WNT3: variants seen among roughly 807,000 people sequenced by gnomAD.
WNT3 encodes Wnt family member 3, also known as proto-oncogene Wnt-3.
WNT3 carries 7 observed loss-of-function variants against 34.2 expected under a neutral mutation model. The ratio of observed to expected loss-of-function variants is 0.20; its 90% CI spans 0.12 to 0.38. WNT3 has a LOEUF of 0.38. WNT3 is among the 10% of genes least tolerant of loss of function. The probability of loss-of-function intolerance (pLI) is 1.00; values close to 1 mark genes in which losing one functional copy is unlikely to be tolerated. For synonymous variants in WNT3, 212 were observed against 211.5 expected (o/e 1.00, Z -0.02); for missense variants, 267 against 499.8 (o/e 0.53, Z 4.44).
intron 1 of WNT3, among the ~76,000 whole-genome samples, chr17:46,815,310 C>T (rs568043280): frequency 1.3e-5 from 2 of 152,300 alleles, no homozygotes; most frequent in Admixed American, 1.3e-4. Context: ...CTCTTCCTTC[C>T]AGGGGTGTCA....
chr17:46,772,480 A>AG (rs754148629), intron 2 of WNT3, among the ~76,000 whole-genome samples: 5 of 152,196 alleles, frequency 3.3e-5, no homozygotes, highest in Non-Finnish European at 5.9e-5. Context: ...ACCTGGCCCG[A>AG]GGAGGGGCAC....
chr17:46,766,634 G>A (rs2059315782), intron 4 of WNT3, among the ~76,000 whole-genome samples: 1 of 152,054 alleles, frequency 6.6e-6, no homozygotes, highest in Non-Finnish European at 1.5e-5. Context: ...TACACCGAGG[G>A]GCTTCCTAGA....
intron 1 of WNT3, among the ~76,000 whole-genome samples, chr17:46,806,500 C>T (rs556083998): frequency 5.3e-4 from 81 of 152,186 alleles, no homozygotes; most frequent in Middle Eastern, 3.4e-3. Flanking sequence ...TGAGCCACCG[C>T]GCCCAGCTGA....
intron 1 of WNT3, among the ~76,000 whole-genome samples, chr17:46,806,174 G>A (rs1232185613): frequency 6.6e-6 from 1 of 150,680 alleles, no homozygotes; most frequent in Non-Finnish European, 1.5e-5. Flanking sequence ...TGTGATCCTC[G>A]GTTTTCTTTT....
chr17:46,779,069 A>T (rs2059436216), intron 1 of WNT3, among the ~76,000 whole-genome samples: 1 of 142,774 alleles, frequency 7.0e-6, no homozygotes, highest in Admixed American at 7.2e-5. Context: ...ACACACACAC[A>T]CACACACACA....
rs186443022 is a variant in WNT3 at position 46,808,410 on chromosome 17, A to G, written c.80+10108T>C. Among the ~76,000 whole-genome samples the G allele has an allele frequency of 2.6e-3, 391 of 152,350 alleles. 1 individual carries two copies. Among genetic ancestry groups the G allele is most frequent in the African/African-American group, 8.5e-3 (352 of 41,588 alleles). ...TCAAGTGTAAACTTGTCTCAAAACCATCCTTTGGGGAACAAAGTAGAATAT... is the reference window on the plus strand; with the variant it reads ...TCAAGTGTAAACTTGTCTCAAAACCGTCCTTTGGGGAACAAAGTAGAATAT... On this transcript the variant is annotated intron_variant, in intron 1 of 4. Coordinates refer to ENST00000225512, the MANE Select transcript of WNT3 (RefSeq NM_030753.5).
intron 1 of WNT3, among the ~76,000 whole-genome samples, chr17:46,813,791 T>C (rs576753470): frequency 6.6e-6 from 1 of 152,356 alleles, no homozygotes; most frequent in South Asian, 2.1e-4. Flanking sequence ...CAATTCTACA[T>C]CTGCCCAAGT....
chr17:46,803,456 C>A (rs2084152416), intron 1 of WNT3, among the ~76,000 whole-genome samples: 1 of 152,190 alleles, frequency 6.6e-6, no homozygotes, highest in South Asian at 2.1e-4. Context: ...ATCGCTTGAA[C>A]CTGGGAGGCA....
intron 1 of WNT3, among the ~76,000 whole-genome samples, chr17:46,779,103 A>ACACACACACACACACACCCCC (rs749719578): frequency 1.5e-5 from 2 of 133,590 alleles, no homozygotes; most frequent in Admixed American, 7.8e-5. Flanking sequence ...ACACACACAC[A>ACACACACACACACACACCCCC]CCCCAGCCCA....
At chr17:46,812,918 G>A (rs2084295036) in intron 1 of WNT3, among the ~76,000 whole-genome samples, 2 of 152,154 alleles carry the variant, frequency 1.3e-5, no homozygotes, top group Admixed American at 6.6e-5. Flanking sequence ...TGAAATAGAG[G>A]CAATCATTAC....
intron 1 of WNT3, among the ~76,000 whole-genome samples, chr17:46,794,990 A>T (rs2084035278): frequency 6.6e-6 from 1 of 151,806 alleles, no homozygotes; most frequent in Non-Finnish European, 1.5e-5. Flanking sequence ...ACCACAGGTG[A>T]TCTGCCCGCC....
chr17:46,769,722 G>T (rs1332849949), intron 3 of WNT3, 61 bp downstream of exon 3: 6 of 1,594,652 alleles, frequency 3.8e-6, no homozygotes, highest in African/African-American at 1.3e-5. Flanking sequence ...GGCCAGGGCA[G>T]CTCCGGAGGG....
At chr17:46,770,481 G>A (rs554994168) in intron 2 of WNT3, among the ~76,000 whole-genome samples, 1 of 152,252 alleles carries the variant, frequency 6.6e-6, no homozygotes, top group Non-Finnish European at 1.5e-5. Flanking sequence ...AGGTCTGTAA[G>A]GAGGGAGGCC....
chr17:46,783,069 A>G (rs2059475326), intron 1 of WNT3, among the ~76,000 whole-genome samples: 1 of 152,054 alleles, frequency 6.6e-6, no homozygotes, highest in Non-Finnish European at 1.5e-5. Flanking sequence ...CATTCTCTCA[A>G]CGGGGCTAGT....
chr17:46,788,915 A>G (rs946927466), intron 1 of WNT3, among the ~76,000 whole-genome samples: 1 of 151,928 alleles, frequency 6.6e-6, no homozygotes, highest in Non-Finnish European at 1.5e-5. Flanking sequence ...CACAGCTGCT[A>G]GCTCCACAGT....
At chr17:46,787,580 G>A (rs962017289) in intron 1 of WNT3, among the ~76,000 whole-genome samples, 1 of 152,172 alleles carries the variant, frequency 6.6e-6, no homozygotes, top group African/African-American at 2.4e-5. Context: ...CACGCAGATC[G>A]TTCTTGAAGT....
At chr17:46,790,827 T>G (rs899584403) in intron 1 of WNT3, among the ~76,000 whole-genome samples, 2 of 152,234 alleles carry the variant, frequency 1.3e-5, no homozygotes, top group Admixed American at 1.3e-4. Flanking sequence ...GGCCGGCTAC[T>G]GCGCTCGCGT....
chr17:46,784,294 G>A (rs2059484197), intron 1 of WNT3, among the ~76,000 whole-genome samples: 1 of 152,210 alleles, frequency 6.6e-6, no homozygotes, highest in Non-Finnish European at 1.5e-5. Flanking sequence ...AAGCAAAGCA[G>A]CTTTGGGAAC....
intron 4 of WNT3, among the ~76,000 whole-genome samples, chr17:46,765,414 G>A (rs894736191): frequency 2.6e-5 from 4 of 152,256 alleles, no homozygotes; most frequent in African/African-American, 9.6e-5. Flanking sequence ...TGGTTAGCCA[G>A]AGACACTGGG....
Sources: gnomAD v4.1 joint callset for allele counts (sites outside exome capture counted in the v4.1 genomes callset) on GRCh38, gnomAD v4.1.1 for gene constraint, MANE v1.5 for transcripts, NCBI Gene and HGNC (gene_info 2026-07-23, HGNC 2026-07-21) for gene names.